Variants in DNAAF9 observed in about 807,000 individuals in gnomAD.
The protein encoded by DNAAF9 is dynein axonemal assembly factor 9, also known as shulin.
DNAAF9 carries 90 observed loss-of-function variants against 167.0 expected under a neutral mutation model. The observed-to-expected ratio is 0.54, with a 90% CI of 0.45 to 0.64. The LOEUF (loss-of-function observed/expected upper bound fraction) is 0.64, where lower values mean the gene tolerates loss of function less well. Ranked by LOEUF, DNAAF9 falls within the 30% of genes least tolerant of loss-of-function variation. The probability of loss-of-function intolerance (pLI) is 0.00; values close to 1 mark genes in which losing one functional copy is unlikely to be tolerated. For missense variants in DNAAF9, 1,315 were observed against 1,442.2 expected (o/e 0.91, Z 1.43); for synonymous variants, 491 against 508.8 (o/e 0.96, Z 0.47).
Position 3,322,674 on chromosome 20 carries a change from G to A in DNAAF9, c.1288C>T (p.His430Tyr). 3 of 1,612,952 alleles carry A rather than the reference G, an allele frequency of 1.9e-6. No homozygotes were observed. Among genetic ancestry groups the A allele is most frequent in the East Asian group, 2.2e-5 (1 of 44,878 alleles). The change falls in exon 15 of 37, where the codon CAT becomes TAT. Residue 430 changes from histidine (H) to tyrosine (Y), a missense_variant. Around this residue, in one of 2 missense-constraint regions of DNAAF9, gnomAD observed 981 missense variants for 1,012.5 expected, o/e 0.97. Transcript: ENST00000252032. ...ALRSKMTFHI[H>Y]AVNNQGRIVP... ...CACCTTCCCTGATTATTCACAGCATGTATATGAAAAGTCATCTTGGAGCTG... is the reference window on the plus strand; with the variant it reads ...CACCTTCCCTGATTATTCACAGCATATATATGAAAAGTCATCTTGGAGCTG...
At chr20:3,323,963 G>A (rs1050118580) in intron 14 of DNAAF9, among the ~76,000 whole-genome samples, 1 of 152,166 alleles carries the variant, frequency 6.6e-6, no homozygotes, top group Non-Finnish European at 1.5e-5. Context: ...TCAAATTCAG[G>A]TTGGCCAGAA....
At chr20:3,307,094 T>G in intron 20 of DNAAF9, 11 of 985,220 alleles carry the variant, frequency 1.1e-5, no homozygotes, top group Non-Finnish European at 1.3e-5. Context: ...AAGCACAGAT[T>G]GGAGAAGCTG....
intron 6 of DNAAF9, among the ~76,000 whole-genome samples, chr20:3,362,512 G>GC (rs1555796624): frequency 6.7e-6 from 1 of 150,142 alleles, no homozygotes; most frequent in Admixed American, 6.6e-5. Context: ...AATCAATTCT[G>GC]TTTTTTTTCT....
rs577414994 is a variant in DNAAF9 at position 3,375,109 on chromosome 20, G to A, written c.426C>T (p.Ala142=). The part of the protein sequence containing the change: ...MTENEYEDEE[A]AEEFKITSFV... Reference sequence around the variant, plus strand: ...AGCTGGTAATTTTAAATTCTTCTGCGGCTTCTTCATCTTCATACTGAAGAG... The same window carrying A: ...AGCTGGTAATTTTAAATTCTTCTGCAGCTTCTTCATCTTCATACTGAAGAG... The change falls in exon 5 of 37, where the codon GCC becomes GCT. Residue 142 remains alanine, a synonymous_variant. Transcript: ENST00000252032. 186 of 1,606,276 alleles carry A rather than the reference G, an allele frequency of 1.2e-4. 1 individual carries two copies. In the East Asian group the frequency reaches 3.4e-3, roughly 29 times the overall value.
chr20:3,317,579 AT>A (rs1167838409), intron 17 of DNAAF9, among the ~76,000 whole-genome samples: 1 of 152,090 alleles, frequency 6.6e-6, no homozygotes, highest in Non-Finnish European at 1.5e-5. Context: ...AGGTAAAAAA[AT>A]AATATCTAAT....
At chr20:3,282,036 C>T (rs1196798026) in intron 27 of DNAAF9, among the ~76,000 whole-genome samples, 2 of 152,138 alleles carry the variant, frequency 1.3e-5, no homozygotes, top group South Asian at 2.1e-4. Flanking sequence ...AGCCTGCAGG[C>T]GATCCTGGAG....
At chr20:3,290,022 C>A in intron 26 of DNAAF9, 107 bp downstream of exon 26, 1 of 730,490 alleles carries the variant, frequency 1.4e-6, no homozygotes, top group Non-Finnish European at 2.5e-6. Flanking sequence ...GACTACCATG[C>A]TGATACCAGT....
intron 10 of DNAAF9, among the ~76,000 whole-genome samples, chr20:3,333,513 T>C (rs1388958441): frequency 6.6e-6 from 1 of 152,196 alleles, no homozygotes; most frequent in Non-Finnish European, 1.5e-5. Flanking sequence ...AAGTTACAGA[T>C]TGGAAATGAG....
rs566669011 is a variant in DNAAF9, at chr20:3,267,943, A to AG, written c.2786+2483dup. ...TTGTTTAGAACCAGGGTTCCAGCAG[A>AG]GGATTATGTTCAAAAGTTACTTGAA... is the stretch of plus-strand genomic sequence containing the variant. On this transcript the variant is annotated intron_variant, in intron 30 of 36. Coordinates refer to ENST00000252032, the MANE Select transcript of DNAAF9 (RefSeq NM_001009984.3). Among the ~76,000 whole-genome samples, 269 of 152,144 alleles carry AG rather than the reference A, an allele frequency of 1.8e-3. 2 individuals carry two copies. The highest frequency in any genetic ancestry group is 2.6e-3 in the Non-Finnish European group (178 of 68,010).
chr20:3,381,008 C>T (rs1046214408), intron 3 of DNAAF9, among the ~76,000 whole-genome samples: 38 of 152,212 alleles, frequency 2.5e-4, no homozygotes, highest in Non-Finnish European at 5.0e-4. Flanking sequence ...GAGCTGCCTG[C>T]AGGCCCATCC....
intron 14 of DNAAF9, 137 bp from the exon 15 acceptor site, chr20:3,322,833 T>A: frequency 1.4e-6 from 1 of 738,282 alleles, no homozygotes; most frequent in South Asian, 1.5e-5. Flanking sequence ...ATTTACCCTA[T>A]TTTGGATACT....
At position 3,278,943 on chromosome 20, in the gene DNAAF9, G is replaced by C. The variant is rs770119034; in HGVS notation, c.2619C>G (p.Leu873=). 1.3e-6 allele frequency: 2 copies of C among 1,598,490 alleles called. No homozygotes were observed. The highest frequency in any genetic ancestry group is 1.7e-6 in the Non-Finnish European group (2 of 1,166,850). ...PMSCYMEHRF[L]FPKCLDQCSQ... ...AACACTGGTCAAGACATTTAGGAAA[G>C]AGAAATCTAGGGGGAAAAAAGGGGG... Residue 873 remains leucine (L), a synonymous_variant, in exon 29 of 37, where the codon CTC becomes CTG. Coordinates refer to ENST00000252032, the MANE Select transcript of DNAAF9 (RefSeq NM_001009984.3).
intron 1 of DNAAF9, among the ~76,000 whole-genome samples, chr20:3,391,154 CTAAT>C (rs1251732435): frequency 3.9e-5 from 6 of 152,176 alleles, no homozygotes; most frequent in Admixed American, 1.3e-4. Context: ...AAACACTGTC[CTAAT>C]TAGTGTTTCT....
At chr20:3,378,758 G>C (rs1012881599) in intron 3 of DNAAF9, among the ~76,000 whole-genome samples, 1 of 152,150 alleles carries the variant, frequency 6.6e-6, no homozygotes, top group Non-Finnish European at 1.5e-5. Flanking sequence ...GACCACACCT[G>C]ACAAAAACAT....
chr20:3,376,263 T>C lies in DNAAF9; in HGVS notation c.323A>G (p.Tyr108Cys). The C allele has an allele frequency of 6.2e-7, 1 of 1,612,758 alleles. No individual in the cohort carries two copies. The highest frequency in any genetic ancestry group is 8.5e-7 in the Non-Finnish European group (1 of 1,178,970). Residue 108 changes from tyrosine (Y) to cysteine (C), a missense_variant, in exon 4 of 37, where the codon TAC becomes TGC. Tyr to Cys is a radical substitution (Grantham distance 194). Coordinates refer to ENST00000252032, the MANE Select transcript of DNAAF9 (RefSeq NM_001009984.3). ...ILIKSDSVHL[Y>C]CNPVNFRYLL... The stretch of plus-strand genomic sequence containing the variant: ...ATAGCGAAAGTTTACAGGATTACAG[T>C]ACAGATGGACGCTATCCGATTTAAT...
At chr20:3,390,846 G>C (rs1304271010) in intron 1 of DNAAF9, among the ~76,000 whole-genome samples, 2 of 152,208 alleles carry the variant, frequency 1.3e-5, no homozygotes, top group Non-Finnish European at 2.9e-5. Context: ...ATAGAAGGCT[G>C]ATCTTGCAAT....
intron 33 of DNAAF9, among the ~76,000 whole-genome samples, chr20:3,257,540 ATATT>A (rs1189876035): frequency 6.6e-6 from 1 of 151,892 alleles, no homozygotes; most frequent in Non-Finnish European, 1.5e-5. Context: ...AGAAATAAAA[ATATT>A]TATTTATTTA....
chr20:3,343,950 G>A (rs907172908), intron 8 of DNAAF9, among the ~76,000 whole-genome samples: 2 of 151,706 alleles, frequency 1.3e-5, no homozygotes, highest in Admixed American at 6.6e-5. Flanking sequence ...AGATGTGTAC[G>A]GTTAATAGCA....
chr20:3,328,556 A>T (rs542975734), intron 12 of DNAAF9, among the ~76,000 whole-genome samples: 1 of 152,244 alleles, frequency 6.6e-6, no homozygotes, highest in African/African-American at 2.4e-5. Flanking sequence ...CCCAATGTGC[A>T]CCCAGTTACC....
Sources: gnomAD v4.1 joint callset for allele counts (sites outside exome capture counted in the v4.1 genomes callset) on GRCh38, gnomAD v4.1.1 for gene constraint, gnomAD v4.1.1 regional missense constraint, MANE v1.5 for transcripts, NCBI Gene and HGNC (gene_info 2026-07-23, HGNC 2026-07-21) for gene names.